The following HYAL4 variants were observed in gnomAD, a reference collection of about 807,000 sequenced individuals.
HYAL4 encodes hyaluronidase 4.
HYAL4 carries 37 observed loss-of-function variants against 35.2 expected under a neutral mutation model. The ratio of observed to expected loss-of-function variants is 1.05; its 90% confidence interval spans 0.81 to 1.38. The LOEUF is 1.38. Ranked by LOEUF, HYAL4 falls within the 40% of genes most tolerant of loss-of-function variation. HYAL4 has a pLI of 0.00. For missense variants in HYAL4, 572 were observed against 572.4 expected, an observed-to-expected ratio of 1.00 and a Z score of 0.01; for synonymous variants, 198 against 203.2, an observed-to-expected ratio of 0.97 and a Z score of 0.22.
chr7:123,831,031 A>C (rs1266775631), intron 1 of HYAL4, among the ~76,000 whole-genome samples: 1 of 152,176 alleles, frequency 6.6e-6, no homozygotes, highest in Non-Finnish European at 1.5e-5. Flanking sequence ...GTCCCCACCA[A>C]AACTCACATT....
At chr7:123,816,630 A>G in the HYAL4 span, among the ~76,000 whole-genome samples, 1 of 151,988 alleles carries the variant, frequency 6.6e-6, no homozygotes, top group Non-Finnish European at 1.5e-5. Context: ...TTTATTTTTA[A>G]TTTTTGTGGG....
the HYAL4 span, among the ~76,000 whole-genome samples, chr7:123,811,451 T>C: frequency 6.6e-6 from 1 of 152,334 alleles, no homozygotes; most frequent in Non-Finnish European, 1.5e-5. Context: ...ACATATAATG[T>C]TGAGCATCTT....
At chr7:123,833,716 T>A (rs1329240856) in intron 1 of HYAL4, among the ~76,000 whole-genome samples, 1 of 152,240 alleles carries the variant, frequency 6.6e-6, no homozygotes, top group Non-Finnish European at 1.5e-5. Flanking sequence ...TAGTTTCACA[T>A]CTTAGATTTA....
chr7:123,840,895 G>A (rs201791589), upstream of HYAL4, among the ~76,000 whole-genome samples: 10 of 151,966 alleles, frequency 6.6e-5, no homozygotes, highest in African/African-American at 1.9e-4. Flanking sequence ...GGGCTGAGAC[G>A]ATGGGGTTTT....
At chr7:123,851,738 T>G (rs1806309807) in intron 2 of HYAL4, among the ~76,000 whole-genome samples, 1 of 152,182 alleles carries the variant, frequency 6.6e-6, no homozygotes, top group African/African-American at 2.4e-5. Context: ...TGATTTATAA[T>G]CCTTTAGGTA....
At chr7:123,854,433 T>C (rs1042905649) in intron 2 of HYAL4, among the ~76,000 whole-genome samples, 4 of 152,212 alleles carry the variant, frequency 2.6e-5, no homozygotes, top group African/African-American at 9.6e-5. Flanking sequence ...TTTGTTCTCA[T>C]TGGTTTCAAA....
At chr7:123,827,940 G>A (rs141664325), upstream of HYAL4, among the ~76,000 whole-genome samples, 618 of 152,276 alleles carry the variant, frequency 4.1e-3, 4 homozygotes, top group African/African-American at 0.014. Context: ...GGTCCTACCT[G>A]TATGGATCAA....
At chr7:123,807,787 A>G in the HYAL4 span, among the ~76,000 whole-genome samples, 2 of 151,672 alleles carry the variant, frequency 1.3e-5, no homozygotes, top group Admixed American at 1.3e-4. Flanking sequence ...GCTGGAGTGC[A>G]GTGGCATGAT....
intron 2 of HYAL4, among the ~76,000 whole-genome samples, chr7:123,859,941 T>C (rs556322379): frequency 4.6e-5 from 7 of 152,320 alleles, no homozygotes; most frequent in East Asian, 1.9e-4. Flanking sequence ...CCTCCTGATA[T>C]GGTTTGGCTC....
At chr7:123,778,033 A>G in the HYAL4 span, among the ~76,000 whole-genome samples, 1 of 152,064 alleles carries the variant, frequency 6.6e-6, no homozygotes, top group Non-Finnish European at 1.5e-5. Context: ...TTTTGAAATA[A>G]TTTTGTCATA....
chr7:123,811,729 G>T, the HYAL4 span, among the ~76,000 whole-genome samples: 2 of 151,898 alleles, frequency 1.3e-5, no homozygotes, highest in Non-Finnish European at 2.9e-5. Flanking sequence ...CTTTAGTATT[G>T]TATCTAAAAA....
chr7:123,847,932 AT>A (rs1806211333), intron 1 of HYAL4, 156 bp from the exon 2 acceptor site: 1 of 152,416 alleles, frequency 6.6e-6, no homozygotes, highest in East Asian at 1.9e-4. Flanking sequence ...AAGTTAGTGA[AT>A]TTAAACTGGG....
At chr7:123,836,989 C>T (rs1207790034) in intron 1 of HYAL4, among the ~76,000 whole-genome samples, 1 of 151,674 alleles carries the variant, frequency 6.6e-6, no homozygotes, top group East Asian at 1.9e-4. Context: ...GGTTGCACTA[C>T]AGCCTGGGCA....
the HYAL4 span, among the ~76,000 whole-genome samples, chr7:123,773,840 C>T: frequency 6.6e-6 from 1 of 152,114 alleles, no homozygotes; most frequent in African/African-American, 2.4e-5. Context: ...TTTCACCTCT[C>T]CCTCAAATTT....
the HYAL4 span, among the ~76,000 whole-genome samples, chr7:123,777,514 C>T: frequency 6.6e-6 from 1 of 152,080 alleles, no homozygotes; most frequent in Non-Finnish European, 1.5e-5. Flanking sequence ...AGTGCTAAAT[C>T]ATATGCTGCT....
chr7:123,786,877 G>A, the HYAL4 span, among the ~76,000 whole-genome samples: 1 of 152,004 alleles, frequency 6.6e-6, no homozygotes, highest in Non-Finnish European at 1.5e-5. Flanking sequence ...AGAAGCTGAG[G>A]CGGGCAGATA....
chr7:123,770,081 A>C, the HYAL4 span, among the ~76,000 whole-genome samples: 1 of 152,260 alleles, frequency 6.6e-6, no homozygotes, highest in East Asian at 1.9e-4. Flanking sequence ...ATATTCCTTT[A>C]TAAAACGTTC....
the HYAL4 span, among the ~76,000 whole-genome samples, chr7:123,805,375 T>G: frequency 6.6e-6 from 1 of 152,196 alleles, no homozygotes; most frequent in Non-Finnish European, 1.5e-5. Flanking sequence ...TCTTATGTCT[T>G]TAAATGAAGG....
chr7:123,840,057 T>C (rs1038001776), upstream of HYAL4, among the ~76,000 whole-genome samples: 15 of 152,234 alleles, frequency 9.9e-5, no homozygotes, highest in Non-Finnish European at 1.0e-4. Context: ...CATGTAGTCT[T>C]TGCCCATGCC....
Sources: allele counts gnomAD v4.1 joint callset (sites outside exome capture counted in the v4.1 genomes callset), GRCh38; gene constraint gnomAD v4.1.1; transcripts MANE v1.5; gene names NCBI Gene and HGNC (gene_info 2026-07-23, HGNC 2026-07-21).